Variants in ACTL6B observed in about 807,000 individuals in gnomAD.
The protein encoded by ACTL6B is actin-like protein 6B.
In ACTL6B, 48 loss-of-function variants were observed where a neutral mutation model predicts 63.3. The ratio of observed to expected loss-of-function variants is 0.76; its 90% confidence interval spans 0.60 to 0.96. ACTL6B has a LOEUF of 0.96. Ranked by LOEUF, ACTL6B falls within the 50% of genes least tolerant of loss-of-function variation. ACTL6B has a pLI of 0.00. For missense variants in ACTL6B, 350 were observed against 572.2 expected (o/e 0.61, Z 3.96); for synonymous variants, 230 against 223.8 (o/e 1.03, Z -0.25).
chr7:100,645,764 T>A (rs1803809139), intron 13 of ACTL6B, among the ~76,000 whole-genome samples: 1 of 151,966 alleles, frequency 6.6e-6, no homozygotes, highest in African/African-American at 2.4e-5. Flanking sequence ...CCTGAATAGC[T>A]GGGATTACAG....
chr7:100,647,535 T>C lies in ACTL6B; in HGVS notation c.670-2A>G, dbSNP rs1584468383. 2 of 1,591,874 alleles carry C rather than the reference T, an allele frequency of 1.3e-6. No individual in the cohort carries two copies. ...GGGGGCACCCTCCCGGACAGGCTCC[T>C]GTGGGGGCACAGTGTAGGAACACCC... On this transcript the variant is annotated splice_acceptor_variant, in intron 7 of 13. Transcript: ENST00000160382. LOFTEE classifies it high-confidence loss of function. The surrounding 1 kb of genome is among the most constrained non-coding windows in gnomAD (Gnocchi z 4.4).
At chr7:100,650,276 A>G (rs1803914320) in intron 4 of ACTL6B, 141 bp from the exon 5 acceptor site, 1 of 670,504 alleles carries the variant, frequency 1.5e-6, no homozygotes, top group Admixed American at 2.1e-5. Flanking sequence ...TACACAACCT[A>G]AACACTCACA....
At position 100,643,188 on chromosome 7, in the gene ACTL6B, A is replaced by G; in HGVS notation, c.*58T>C. 6.6e-7 allele frequency: 1 copy of G among 1,507,788 alleles called. No individual in the cohort carries two copies. The highest frequency in any genetic ancestry group is 9.2e-7 in the Non-Finnish European group (1 of 1,084,894). The allele number at this position is 1,507,788 out of a possible 1,614,324, so 93.4% of individuals were successfully genotyped here. Reference sequence around the variant, plus strand: ...GAAAGGAGGAGGGGGGCAATGTGGCATGGGGGTTAAGGGACTTCCATCTGA... The same window carrying G: ...GAAAGGAGGAGGGGGGCAATGTGGCGTGGGGGTTAAGGGACTTCCATCTGA... On this transcript the variant is annotated 3_prime_UTR_variant, in exon 14 of 14. Coordinates refer to ENST00000160382, the MANE Select transcript of ACTL6B (RefSeq NM_016188.5).
Position 100,648,635 on chromosome 7 carries a change from TC to T in ACTL6B, c.589del (p.Asp197ThrfsTer23). 6.2e-7 allele frequency: 1 copy of T among 1,612,330 alleles called. No homozygotes were observed. Among genetic ancestry groups the T allele is most frequent in the Non-Finnish European group, 8.5e-7 (1 of 1,179,058 alleles). ...QGIVKSPLAGDFISMQCRELF... is the reference protein window; with the variant it reads ...QGIVKSPLAGXFISMQCRELF... The stretch of plus-strand genomic sequence containing the variant: ...CTCCCGGCACTGCATGGAGATGAAG[TC>T]CCCTGCCAGAGGGGACTTGACGATG... On this transcript the variant is annotated frameshift_variant, in exon 7 of 14. Coordinates refer to ENST00000160382, the MANE Select transcript of ACTL6B (RefSeq NM_016188.5). LOFTEE classifies it high-confidence loss of function. The surrounding 1 kb of genome is among the most constrained non-coding windows in gnomAD (Gnocchi z 4.4).
chr7:100,646,304 C>A lies in ACTL6B; in HGVS notation c.1145G>T (p.Ser382Ile). 6.2e-7 allele frequency: 1 copy of A among 1,614,094 alleles called. No individual in the cohort carries two copies. Among genetic ancestry groups the A allele is most frequent in the Non-Finnish European group, 8.5e-7 (1 of 1,179,996 alleles). The change falls in exon 13 of 14, where the codon AGC (serine) becomes ATC (isoleucine). Residue 382 changes from serine (S) to isoleucine (I), a missense_variant. Physicochemically the swap from Ser to Ile is moderately radical, Grantham distance 142 (BLOSUM62 -2). Transcript: ENST00000160382. The surrounding 1 kb of genome is among the most constrained non-coding windows in gnomAD (Gnocchi z 6.1). ...GGGGCTGAACTTGCGCTCCATGGTG[C>A]TGTTGCTGGCAATGAGTTTCAGTCG... ...SMRLKLIASN[S>I]TMERKFSPWI...
At position 100,647,116 on chromosome 7, in the gene ACTL6B, G is replaced by A. The variant is rs1236370628; in HGVS notation, c.822-31C>T. The A allele has an allele frequency of 6.2e-7, 1 of 1,612,618 alleles. No individual in the cohort carries two copies. ...CAGAAGGGAGCAGGACTCTGCCTGG[G>A]GTGCTCAAGAAGGATCAGTGCGTGG... On this transcript the variant is annotated intron_variant, in intron 9 of 13. Coordinates refer to ENST00000160382, the MANE Select transcript of ACTL6B (RefSeq NM_016188.5). The surrounding 1 kb of genome is among the most constrained non-coding windows in gnomAD (Gnocchi z 4.4).
chr7:100,651,667 T>C (rs1803942897), intron 4 of ACTL6B, among the ~76,000 whole-genome samples: 2 of 152,080 alleles, frequency 1.3e-5, no homozygotes, highest in South Asian at 4.1e-4. Flanking sequence ...GACTGCAATC[T>C]CTGCCTCCTG....
At chr7:100,652,525 T>C (rs1237882047) in intron 4 of ACTL6B, among the ~76,000 whole-genome samples, 1 of 148,846 alleles carries the variant, frequency 6.7e-6, no homozygotes, top group Admixed American at 6.7e-5. Context: ...GAGGTGGAGC[T>C]TGCAGTGAGC....
At chr7:100,654,500 G>A (rs1371975831) in intron 4 of ACTL6B, among the ~76,000 whole-genome samples, 3 of 150,920 alleles carry the variant, frequency 2.0e-5, no homozygotes, top group Non-Finnish European at 4.4e-5. Flanking sequence ...GGACTTGGAG[G>A]CTGGGCGTGG....
intron 4 of ACTL6B, among the ~76,000 whole-genome samples, chr7:100,653,051 A>AT (rs1036333548): frequency 3.2e-5 from 4 of 124,242 alleles, no homozygotes; most frequent in Non-Finnish European, 5.1e-5. Flanking sequence ...AATTGAACAC[A>AT]TTTTTTTTCC....
Position 100,646,435 on chromosome 7 carries a change from G to A in ACTL6B, c.1114-100C>T, listed in dbSNP as rs1803823438. The stretch of plus-strand genomic sequence containing the variant: ...GACTTGGGAAGCCACAGGGGCAGGG[G>A]TTCTGCTCTGGTGGCCAGAACAGAA... On this transcript the variant is annotated intron_variant, in intron 12 of 13. Coordinates refer to ENST00000160382, the MANE Select transcript of ACTL6B (RefSeq NM_016188.5). The surrounding 1 kb of genome is among the most constrained non-coding windows in gnomAD (Gnocchi z 6.1). 6.5e-7 allele frequency: 1 copy of A among 1,540,680 alleles called. No individual in the cohort carries two copies. Among genetic ancestry groups the A allele is most frequent in the Non-Finnish European group, 8.9e-7 (1 of 1,117,980 alleles).
intron 4 of ACTL6B, among the ~76,000 whole-genome samples, chr7:100,654,707 G>A (rs1247256246): frequency 2.6e-5 from 4 of 151,802 alleles, no homozygotes; most frequent in African/African-American, 7.3e-5. Context: ...CTTTGATGTC[G>A]GGAGGCAGAG....
At chr7:100,654,977 G>GT (rs773244611) in intron 4 of ACTL6B, 42 bp downstream of exon 4, 5 of 1,526,412 alleles carry the variant, frequency 3.3e-6, no homozygotes, top group Non-Finnish European at 4.5e-6. Context: ...AGGAGGTGCA[G>GT]TGGAGATCAG....
At chr7:100,649,587 C>T (rs1045650378) in intron 5 of ACTL6B, among the ~76,000 whole-genome samples, 4 of 152,230 alleles carry the variant, frequency 2.6e-5, no homozygotes, top group African/African-American at 4.8e-5. Flanking sequence ...CGTGAGCCAC[C>T]GCGCCTGGCC....
At chr7:100,645,667 C>T (rs1192951638) in intron 13 of ACTL6B, among the ~76,000 whole-genome samples, 7 of 150,528 alleles carry the variant, frequency 4.7e-5, no homozygotes, top group African/African-American at 1.2e-4. Flanking sequence ...AGTCTTACTG[C>T]GTCACCCAGG....
chr7:100,646,587 G>A lies in ACTL6B; in HGVS notation c.1077C>T (p.Asp359=), dbSNP rs748227915. ...TCTGGGAAAGCTCTCGATTGAGCCT[G>A]TCAGTGAAGCCCTGCAGCAGTGTGT... The part of the protein sequence containing the change: ...GGNTLLQGFT[D]RLNRELSQKT... Residue 359 remains aspartate (D), a synonymous_variant, in exon 12 of 14, where the codon GAC becomes GAT. Coordinates refer to ENST00000160382, the MANE Select transcript of ACTL6B (RefSeq NM_016188.5). This position sits in a 1 kb window ranked among gnomAD's most constrained non-coding sequence, Gnocchi z 6.1. The A allele has an allele frequency of 1.2e-6, 2 of 1,614,054 alleles. No homozygotes were observed. The highest frequency in any genetic ancestry group is 1.7e-6 in the Non-Finnish European group (2 of 1,180,010).
chr7:100,649,872 C>T (rs1803901737), intron 5 of ACTL6B, 166 bp downstream of exon 5: 2 of 606,746 alleles, frequency 3.3e-6, no homozygotes, highest in East Asian at 2.9e-5. Context: ...CGGAGGTGCT[C>T]AGTCCACTGG....
chr7:100,646,100 C>A lies in ACTL6B; in HGVS notation c.1200+149G>T, dbSNP rs551373133. The A allele has an allele frequency of 2.5e-6, 2 of 806,692 alleles. No individual in the cohort carries two copies. The highest frequency in any genetic ancestry group is 1.7e-5 in the African/African-American group (1 of 59,020). 50.0% of individuals were successfully genotyped at this position (806,692 alleles called of 1,614,324 possible). On this transcript the variant is annotated intron_variant, in intron 13 of 13. Coordinates refer to ENST00000160382, the MANE Select transcript of ACTL6B (RefSeq NM_016188.5). This position sits in a 1 kb window ranked among gnomAD's most constrained non-coding sequence, Gnocchi z 6.1. ...CCCCCCGATTTGTGTCCTGTTCACC[C>A]TTCTGGGAACATTCATTGACTGACA... is the stretch of plus-strand genomic sequence containing the variant.
rs757603505 is a variant in ACTL6B, at chr7:100,650,116, C to T, written c.389G>A (p.Arg130Gln). 1.2e-6 allele frequency: 2 copies of T among 1,613,872 alleles called. No individual in the cohort carries two copies. Among genetic ancestry groups the T allele is most frequent in the South Asian group, 1.1e-5 (1 of 91,078 alleles). Residue 130 changes from arginine to glutamine, a missense_variant, in exon 5 of 14, where the codon CGG becomes CAG. Physicochemically the swap from Arg to Gln is conservative, Grantham distance 43 (BLOSUM62 1). Transcript: ENST00000160382. ...GAACATCAGCTCTGTCAGCTTCTCC[C>T]GCTTGGCCCGTGTGTTCCACTGTGG... is the stretch of plus-strand genomic sequence containing the variant. The part of the protein sequence containing the change: ...SEAPWNTRAK[R>Q]EKLTELMFEQ...
Sources: allele counts gnomAD v4.1 joint callset (sites outside exome capture counted in the v4.1 genomes callset), GRCh38; gene constraint gnomAD v4.1.1; non-coding constraint Gnocchi (gnomAD v3.1); transcripts MANE v1.5; gene names NCBI Gene and HGNC (gene_info 2026-07-23, HGNC 2026-07-21).